Variants in CMYA5 observed in about 807,000 individuals in gnomAD.
CMYA5 encodes cardiomyopathy associated 5, also known as cardiomyopathy-associated protein 5.
Under a neutral mutation model 318.9 loss-of-function variants are expected in CMYA5, and 246 were observed. That is an observed-to-expected ratio of 0.77 (90% CI 0.70 to 0.86). The LOEUF (loss-of-function observed/expected upper bound fraction) is 0.86, where lower values mean the gene tolerates loss of function less well. Ranked by LOEUF, CMYA5 falls within the 40% of genes least tolerant of loss-of-function variation. The pLI is 0.00. For synonymous variants in CMYA5, 1,641 were observed against 1,729.5 expected (o/e 0.95, Z 1.27); for missense variants, 4,589 against 4,678.2 (o/e 0.98, Z 0.56).
At chr5:79,778,813 G>GTGTGTGTGTGTGTGTGTA (rs1561228859) in intron 9 of CMYA5, among the ~76,000 whole-genome samples, 39 of 99,954 alleles carry the variant, frequency 3.9e-4, no homozygotes, top group Admixed American at 6.1e-4. Flanking sequence ...CTCTCTTTCT[G>GTGTGTGTGTGTGTGTGTA]TGTGTGTGTG....
chr5:79,730,546 T>C lies in CMYA5; in HGVS notation c.1781T>C (p.Phe594Ser). 3 of 1,613,954 alleles carry C rather than the reference T, an allele frequency of 1.9e-6. No homozygotes were observed. Among genetic ancestry groups the C allele is most frequent in the Non-Finnish European group, 2.5e-6 (3 of 1,179,876 alleles). Residue 594 changes from phenylalanine (F) to serine (S), a missense_variant, in exon 2 of 13, where the codon TTT becomes TCT. Transcript: ENST00000446378. ...EIASVSTGSA[F>S]VSEYSVPQDL... The stretch of plus-strand genomic sequence containing the variant: ...GCATCTGTTTCTACTGGTTCTGCTT[T>C]TGTATCAGAGTATTCAGTACCACAG...
rs191939218 is a variant in CMYA5 at position 79,725,540 on chromosome 5, G to A, written c.150-3375G>A. On this transcript the variant is annotated intron_variant, in intron 1 of 12. Coordinates refer to ENST00000446378, the MANE Select transcript of CMYA5 (RefSeq NM_153610.5). ...CACTATTTGGGTGATGGGATTAATA[G>A]AAGCCCCAAACTCAGCATCAAACAG... is the stretch of plus-strand genomic sequence containing the variant. 2.5e-3 allele frequency among the ~76,000 whole-genome samples: 386 copies of A among 152,296 alleles called. 3 individuals carry two copies. The highest frequency in any genetic ancestry group is 3.6e-3 in the Non-Finnish European group (246 of 68,028).
chr5:79,754,269 A>G (rs1828485901), intron 6 of CMYA5, among the ~76,000 whole-genome samples: 1 of 152,138 alleles, frequency 6.6e-6, no homozygotes, highest in Non-Finnish European at 1.5e-5. Flanking sequence ...ATGACCCCCT[A>G]CCTAAACTAA....
chr5:79,795,944 C>G (rs576815815), intron 12 of CMYA5, among the ~76,000 whole-genome samples: 234 of 152,342 alleles, frequency 1.5e-3, no homozygotes, highest in Non-Finnish European at 2.8e-3. Context: ...TCAGGCCCCA[C>G]GCAGGCAGGC....
At chr5:79,697,348 C>A (rs573552979) in intron 1 of CMYA5, among the ~76,000 whole-genome samples, 1 of 152,226 alleles carries the variant, frequency 6.6e-6, no homozygotes, top group East Asian at 1.9e-4. Context: ...CTCCATCTGC[C>A]TACAGCAAAA....
At chr5:79,795,096 C>A in intron 12 of CMYA5, among the ~76,000 whole-genome samples, 1 of 152,140 alleles carries the variant, frequency 6.6e-6, no homozygotes, top group South Asian at 2.1e-4. Context: ...CTCTAGAAGA[C>A]AAAATTATGT....
Position 79,756,455 on chromosome 5 carries a change from A to T in CMYA5, c.11111-2298A>T, listed in dbSNP as rs187126235. Among the ~76,000 whole-genome samples, 727 of 152,162 alleles carry T rather than the reference A, an allele frequency of 4.8e-3. 5 individuals are homozygous for T. Among genetic ancestry groups the T allele is most frequent in the African/African-American group, 0.015 (631 of 41,454 alleles). On this transcript the variant is annotated intron_variant, in intron 6 of 12. Transcript: ENST00000446378. ...TCAGCCACTTTGCTAAGCACTCGATAGATATTATTTGCTTCCTATAATGAC... is the reference window on the plus strand; with the variant it reads ...TCAGCCACTTTGCTAAGCACTCGATTGATATTATTTGCTTCCTATAATGAC...
At chr5:79,698,335 A>T (rs9784590) in intron 1 of CMYA5, among the ~76,000 whole-genome samples, 51 of 152,106 alleles carry the variant, frequency 3.4e-4, no homozygotes, top group African/African-American at 1.1e-3. Context: ...AAAACACCTG[A>T]TAGAACTGAG....
intron 1 of CMYA5, among the ~76,000 whole-genome samples, chr5:79,701,250 A>G (rs1051493230): frequency 6.6e-5 from 10 of 152,136 alleles, no homozygotes; most frequent in Admixed American, 3.3e-4. Flanking sequence ...AAACAAACAA[A>G]CAAACAAATA....
intron 1 of CMYA5, among the ~76,000 whole-genome samples, chr5:79,692,220 A>C (rs972451196): frequency 1.9e-4 from 29 of 152,138 alleles, no homozygotes; most frequent in African/African-American, 7.0e-4. Context: ...TCACGGCCTG[A>C]GTGAGTTTTT....
At chr5:79,767,779 G>A (rs1828781714) in intron 9 of CMYA5, among the ~76,000 whole-genome samples, 1 of 152,208 alleles carries the variant, frequency 6.6e-6, no homozygotes, top group Non-Finnish European at 1.5e-5. Flanking sequence ...TGTATATTCT[G>A]TTGATTTGGG....
Position 79,743,807 on chromosome 5 carries a change from A to G in CMYA5, c.10639-20A>G. The G allele has an allele frequency of 7.6e-7, 1 of 1,308,028 alleles. No homozygotes were observed. Among genetic ancestry groups the G allele is most frequent in the Non-Finnish European group, 1.1e-6 (1 of 935,380 alleles). The allele number at this position is 1,308,028 out of a possible 1,614,324, so 81.0% of individuals were successfully genotyped here. On this transcript the variant is annotated intron_variant, in intron 2 of 12. Transcript: ENST00000446378. ...TTCCTAAATGTCATATACTAAGGAT[A>G]TCTTAATTCTTTTCTTCAGGTTCAA...
Position 79,799,705 on chromosome 5 carries a change from A to T in CMYA5, c.*89A>T. On this transcript the variant is annotated 3_prime_UTR_variant, in exon 13 of 13. Transcript: ENST00000446378. The stretch of plus-strand genomic sequence containing the variant: ...CTTTAGGTGCTATACATTATTCAAA[A>T]AGTCTCCCGCGCATTTGCACTAATG... 1 of 1,466,236 alleles carries T rather than the reference A, an allele frequency of 6.8e-7. No individual in the cohort carries two copies. Among genetic ancestry groups the T allele is most frequent in the Non-Finnish European group, 9.1e-7 (1 of 1,100,638 alleles). 90.8% of individuals were successfully genotyped at this position (1,466,236 alleles called of 1,614,324 possible). A position where few individuals can be genotyped will look rare whatever the true frequency, so the allele number is the denominator to read the frequency against.
intron 5 of CMYA5, among the ~76,000 whole-genome samples, chr5:79,749,374 G>A (rs1828389942): frequency 6.6e-6 from 1 of 152,208 alleles, no homozygotes; most frequent in Non-Finnish European, 1.5e-5. Context: ...CTGTCTCAAA[G>A]TCTCAATGTT....
chr5:79,725,373 A>G (rs774358728), intron 1 of CMYA5, among the ~76,000 whole-genome samples: 3 of 152,246 alleles, frequency 2.0e-5, no homozygotes, highest in Non-Finnish European at 4.4e-5. Context: ...ACAGAAAACT[A>G]AATATCACAT....
chr5:79,729,544 G>C lies in CMYA5; in HGVS notation c.779G>C (p.Arg260Thr). The C allele has an allele frequency of 6.2e-7, 1 of 1,613,348 alleles. No homozygotes were observed. The highest frequency in any genetic ancestry group is 8.5e-7 in the Non-Finnish European group (1 of 1,179,366). ...KGYVIKEIHY[R>T]KGKDASISLE... ...TATGTAATTAAAGAAATACATTATAGGAAAGGGAAAGATGCATCCATTAGT... is the reference window on the plus strand; with the variant it reads ...TATGTAATTAAAGAAATACATTATACGAAAGGGAAAGATGCATCCATTAGT... The change falls in exon 2 of 13, where the codon AGG becomes ACG. Residue 260 changes from arginine (R) to threonine (T), a missense_variant. Arg to Thr is a moderately conservative substitution (Grantham distance 71, BLOSUM62 -1). Transcript: ENST00000446378.
At chr5:79,743,763 C>A in intron 2 of CMYA5, 64 bp from the exon 3 acceptor site, 1 of 783,480 alleles carries the variant, frequency 1.3e-6, no homozygotes, top group East Asian at 2.8e-5. Context: ...GAACTTGGAG[C>A]TCACTGGTTG....
chr5:79,768,940 G>A (rs1279575299), intron 9 of CMYA5, among the ~76,000 whole-genome samples: 1 of 152,102 alleles, frequency 6.6e-6, no homozygotes, highest in South Asian at 2.1e-4. Context: ...CCAATCAGAC[G>A]TAGATTTGGC....
chr5:79,743,174 C>T (rs1480494922), intron 2 of CMYA5, among the ~76,000 whole-genome samples: 3 of 152,130 alleles, frequency 2.0e-5, no homozygotes, highest in Non-Finnish European at 2.9e-5. Context: ...ATTTTTTCTG[C>T]TTTGTTATTT....
Sources: gnomAD v4.1 joint callset for allele counts (sites outside exome capture counted in the v4.1 genomes callset) on GRCh38, gnomAD v4.1.1 for gene constraint, MANE v1.5 for transcripts, NCBI Gene and HGNC (gene_info 2026-07-23, HGNC 2026-07-21) for gene names.